Variants in CNTN4 observed in about 807,000 individuals in gnomAD.
CNTN4 encodes contactin 4.
A neutral mutation model predicts 122.5 loss-of-function variants in CNTN4; 77 were observed. The observed-to-expected ratio is 0.63, with a 90% CI of 0.52 to 0.76. CNTN4 has a LOEUF of 0.76. CNTN4 is among the 30% of genes least tolerant of loss of function. The pLI is 0.00. For synonymous variants in CNTN4, 512 were observed against 447.0 expected (o/e 1.15, Z -1.83); for missense variants, 1,256 against 1,259.1 (o/e 1.00, Z 0.04).
At chr3:2,732,148 G>A (rs550479409) in intron 4 of CNTN4, among the ~76,000 whole-genome samples, 1 of 152,306 alleles carries the variant, frequency 6.6e-6, no homozygotes, top group African/African-American at 2.4e-5. Context: ...AAAAAAATGT[G>A]TCTAGGAGTG....
chr3:2,561,686 A>G (rs1361763011), intron 3 of CNTN4, among the ~76,000 whole-genome samples: 2 of 152,166 alleles, frequency 1.3e-5, no homozygotes, highest in African/African-American at 4.8e-5. Flanking sequence ...CACTTTATGA[A>G]AGAGGAAAGT....
intron 3 of CNTN4, among the ~76,000 whole-genome samples, chr3:2,534,518 G>A (rs1251291106): frequency 6.6e-6 from 1 of 151,976 alleles, no homozygotes; most frequent in East Asian, 1.9e-4. Context: ...CTGCAGTGTG[G>A]GTGCACTTGG....
At chr3:2,819,308 A>G (rs1441952218) in intron 6 of CNTN4, among the ~76,000 whole-genome samples, 178 bp from the exon 7 acceptor site, 1 of 152,232 alleles carries the variant, frequency 6.6e-6, no homozygotes, top group Admixed American at 6.5e-5. Context: ...CAGTATAACC[A>G]TAAAATCAAG....
At chr3:2,797,501 G>A (rs1229116761) in intron 6 of CNTN4, among the ~76,000 whole-genome samples, 1 of 152,174 alleles carries the variant, frequency 6.6e-6, no homozygotes, top group Non-Finnish European at 1.5e-5. Flanking sequence ...AGGAGACTGA[G>A]GCAGGAGAAT....
At chr3:2,284,991 A>G (rs60129834) in intron 2 of CNTN4, among the ~76,000 whole-genome samples, 4 of 151,562 alleles carry the variant, frequency 2.6e-5, no homozygotes. Context: ...TATTCTCTCT[A>G]TATATATTTT....
rs58232281 is a variant in CNTN4 at position 2,896,931 on chromosome 3, GTT to G, written c.941-3737_941-3736del. On this transcript the variant is annotated intron_variant, in intron 10 of 24. Coordinates refer to ENST00000418658, the MANE Select transcript of CNTN4 (RefSeq NM_175607.3). Reference sequence around the variant, plus strand: ...CATCTTTGTAATAGTAATTTAGAGGGTTTTTTTTTTTTTTTTTTGCTATCACA... The same window carrying G: ...CATCTTTGTAATAGTAATTTAGAGGGTTTTTTTTTTTTTTTTGCTATCACA... 1.7e-3 allele frequency among the ~76,000 whole-genome samples: 206 copies of G among 118,040 alleles called. 1 individual carries two copies. The highest frequency in any genetic ancestry group is 4.5e-3 in the Middle Eastern group (1 of 222). The allele number at this position is 118,040 out of a possible 152,430, so 77.4% of individuals were successfully genotyped here.
chr3:2,307,137 T>C (rs1001567034), intron 2 of CNTN4, among the ~76,000 whole-genome samples: 2 of 152,114 alleles, frequency 1.3e-5, no homozygotes, highest in Non-Finnish European at 2.9e-5. Context: ...TCCACTACAA[T>C]TGAATTGAAA....
intron 2 of CNTN4, among the ~76,000 whole-genome samples, chr3:2,135,865 T>C (rs2034669196): frequency 6.6e-6 from 1 of 152,216 alleles, no homozygotes; most frequent in African/African-American, 2.4e-5. Context: ...TGCTCTTAAA[T>C]AGCAGTGACC....
intron 4 of CNTN4, among the ~76,000 whole-genome samples, chr3:2,713,413 A>G (rs1343578030): frequency 6.6e-6 from 1 of 152,194 alleles, no homozygotes; most frequent in African/African-American, 2.4e-5. Flanking sequence ...GAAGAGTGGA[A>G]AGTCGTATAG....
At chr3:2,244,526 C>T (rs1224843143) in intron 2 of CNTN4, among the ~76,000 whole-genome samples, 1 of 152,060 alleles carries the variant, frequency 6.6e-6, no homozygotes, top group Non-Finnish European at 1.5e-5. Context: ...AACTATTTCA[C>T]TATTGTTTCT....
chr3:2,606,716 A>G (rs1295028832), intron 4 of CNTN4, among the ~76,000 whole-genome samples: 2 of 152,162 alleles, frequency 1.3e-5, no homozygotes, highest in African/African-American at 2.4e-5. Context: ...TAGGGAATGA[A>G]ATGATCCACA....
At position 3,042,355 on chromosome 3, in the gene CNTN4, C is replaced by T. The variant is rs759872185; in HGVS notation, c.2444C>T (p.Ala815Val). 6.2e-7 allele frequency: 1 copy of T among 1,614,108 alleles called. No homozygotes were observed. Among genetic ancestry groups the T allele is most frequent in the Non-Finnish European group, 8.5e-7 (1 of 1,179,976 alleles). The change falls in exon 21 of 25, where the codon GCC (alanine) becomes GTC (valine). Residue 815 changes from alanine (A) to valine (V), a missense_variant. Ala to Val is a moderately conservative substitution (Grantham distance 64, BLOSUM62 0). Transcript: ENST00000418658. ...PASIFARSLS[A>V]TDIEVFWASP... ...AGTATCTTTGCCAGAAGTCTTTCTG[C>T]CACAGATATTGAAGTTTTCTGGGCC... is the stretch of plus-strand genomic sequence containing the variant.
chr3:2,327,916 A>G (rs1283322941), intron 2 of CNTN4, among the ~76,000 whole-genome samples: 1 of 152,180 alleles, frequency 6.6e-6, no homozygotes, highest in African/African-American at 2.4e-5. Flanking sequence ...CAAACTAGAA[A>G]GAATTCCCCT....
At chr3:2,213,456 G>T (rs1446798264) in intron 2 of CNTN4, among the ~76,000 whole-genome samples, 8 of 152,124 alleles carry the variant, frequency 5.3e-5, no homozygotes, top group African/African-American at 1.9e-4. Flanking sequence ...TTACTGTACA[G>T]TAAGCAGATG....
intron 13 of CNTN4, among the ~76,000 whole-genome samples, chr3:2,932,953 G>C (rs1294748638): frequency 3.9e-5 from 6 of 152,008 alleles, no homozygotes; most frequent in Admixed American, 3.9e-4. Flanking sequence ...CTCCCGAGTA[G>C]CTGGGACTAC....
At chr3:2,872,169 CAG>C in intron 8 of CNTN4, among the ~76,000 whole-genome samples, 1 of 152,174 alleles carries the variant, frequency 6.6e-6, no homozygotes, top group East Asian at 1.9e-4. Context: ...ACAAAGGTAA[CAG>C]ACCACTCATA....
At chr3:2,943,414 G>A (rs192679535) in intron 13 of CNTN4, among the ~76,000 whole-genome samples, 1 of 152,028 alleles carries the variant, frequency 6.6e-6, no homozygotes. Context: ...TCCCTCAAGT[G>A]TGGAAGAAGC....
chr3:2,397,351 T>C (rs1673253712), intron 3 of CNTN4, among the ~76,000 whole-genome samples: 1 of 152,196 alleles, frequency 6.6e-6, no homozygotes, highest in Admixed American at 6.5e-5. Flanking sequence ...CTTTAATACT[T>C]GATGATGCCT....
chr3:3,030,951 G>A lies in CNTN4; in HGVS notation c.1759G>A (p.Ala587Thr), dbSNP rs150478813. The change falls in exon 16 of 25, where the codon GCT (alanine) becomes ACT (threonine). Residue 587 changes from alanine to threonine, a missense_variant. Physicochemically the swap from Ala to Thr is moderately conservative, Grantham distance 58 (BLOSUM62 0). Transcript: ENST00000418658. ...MVQTSVDRLS[A>T]AADLIVRGPP... ...CCAAACAAGTGTGGACAGGCTATCT[G>A]CTGCTGCAGACCTGATTGTAAGAGG... 2 of 1,614,054 alleles carry A rather than the reference G, an allele frequency of 1.2e-6. No homozygotes were observed. Among genetic ancestry groups the A allele is most frequent in the Non-Finnish European group, 1.7e-6 (2 of 1,179,926 alleles).
Sources: gnomAD v4.1 joint callset for allele counts (sites outside exome capture counted in the v4.1 genomes callset) on GRCh38, gnomAD v4.1.1 for gene constraint, MANE v1.5 for transcripts, NCBI Gene and HGNC (gene_info 2026-07-23, HGNC 2026-07-21) for gene names.